Variants in NAT1 observed in about 807,000 individuals in gnomAD.
NAT1 encodes the protein N-acetyltransferase 1, also known as arylamine N-acetyltransferase 1.
For synonymous variants in NAT1, 144 were observed against 122.6 expected (o/e 1.17, Z -1.16); for missense variants, 400 against 339.2 (o/e 1.18, Z -1.41).
At chr8:18,193,097 G>C (rs1163451976) in intron 2 of NAT1, among the ~76,000 whole-genome samples, 2 of 103,408 alleles carry the variant, frequency 1.9e-5, no homozygotes, top group Non-Finnish European at 3.6e-5. Flanking sequence ...TTTTTTTTGA[G>C]ACAGGGTCTC....
At chr8:18,221,527 C>G (rs916211379) in intron 2 of NAT1, among the ~76,000 whole-genome samples, 2 of 152,082 alleles carry the variant, frequency 1.3e-5, no homozygotes, top group East Asian at 3.8e-4. Context: ...GTAGGAAACA[C>G]ATTATAGCTA....
intron 2 of NAT1, among the ~76,000 whole-genome samples, chr8:18,183,562 C>A (rs982868025): frequency 1.3e-5 from 2 of 152,148 alleles, no homozygotes; most frequent in Non-Finnish European, 2.9e-5. Context: ...ATAAATAGCC[C>A]TGAGGAGTCA....
intron 2 of NAT1, among the ~76,000 whole-genome samples, chr8:18,174,167 G>C (rs1328320357): frequency 6.6e-6 from 1 of 152,130 alleles, no homozygotes; most frequent in African/African-American, 2.4e-5. Flanking sequence ...CAATATCTGA[G>C]CAAGTGTATG....
chr8:18,203,129 A>C (rs1208711827), intron 2 of NAT1, among the ~76,000 whole-genome samples: 2 of 152,188 alleles, frequency 1.3e-5, no homozygotes, highest in East Asian at 3.9e-4. Flanking sequence ...TCCAGCTCTC[A>C]CTATAAGATC....
chr8:18,193,384 G>A (rs1803095228), intron 2 of NAT1, among the ~76,000 whole-genome samples: 1 of 149,774 alleles, frequency 6.7e-6, no homozygotes, highest in Non-Finnish European at 1.5e-5. Flanking sequence ...TTGAGCCTGG[G>A]AGGCAGGGGT....
upstream of NAT1, among the ~76,000 whole-genome samples, chr8:18,206,050 T>G (rs937779565): frequency 4.6e-5 from 7 of 152,230 alleles, no homozygotes; most frequent in Non-Finnish European, 8.8e-5. Flanking sequence ...CCAAACCCTC[T>G]GGGCTCCACA....
At chr8:18,177,008 C>G (rs1195588201) in intron 2 of NAT1, among the ~76,000 whole-genome samples, 1 of 151,826 alleles carries the variant, frequency 6.6e-6, no homozygotes, top group African/African-American at 2.4e-5. Flanking sequence ...AATTTCTTTT[C>G]CAGATAGTTT....
upstream of NAT1, among the ~76,000 whole-genome samples, chr8:18,207,896 A>C (rs902353176): frequency 6.6e-6 from 1 of 152,234 alleles, no homozygotes; most frequent in African/African-American, 2.4e-5. Flanking sequence ...CTAAACAAAG[A>C]AACTGTGGTA....
intron 2 of NAT1, among the ~76,000 whole-genome samples, chr8:18,191,001 G>C (rs1300987693): frequency 6.6e-6 from 1 of 151,548 alleles, no homozygotes; most frequent in Non-Finnish European, 1.5e-5. Context: ...AGGAGGCAGA[G>C]TCTGCAGTGA....
At chr8:18,179,832 G>C (rs1802440138) in intron 2 of NAT1, among the ~76,000 whole-genome samples, 1 of 152,160 alleles carries the variant, frequency 6.6e-6, no homozygotes, top group African/African-American at 2.4e-5. Context: ...CCTCATGAAA[G>C]ACACACAGAA....
chr8:18,176,446 T>C (rs1415474083), intron 2 of NAT1, among the ~76,000 whole-genome samples: 2 of 152,276 alleles, frequency 1.3e-5, no homozygotes, highest in African/African-American at 2.4e-5. Flanking sequence ...AAGAATGCCA[T>C]TTATTAAAAT....
intron 2 of NAT1, among the ~76,000 whole-genome samples, chr8:18,185,992 C>A (rs1052278344): frequency 6.6e-6 from 1 of 151,992 alleles, no homozygotes; most frequent in East Asian, 1.9e-4. Context: ...AGTTTAATTG[C>A]GTTGTAGTCA....
intron 2 of NAT1, among the ~76,000 whole-genome samples, chr8:18,172,389 G>C (rs1563157671): frequency 6.6e-6 from 1 of 152,170 alleles, no homozygotes; most frequent in African/African-American, 2.4e-5. Flanking sequence ...CGCCTGCTGG[G>C]AAAGTCACCA....
chr8:18,201,464 G>C (rs1803460898), intron 2 of NAT1, among the ~76,000 whole-genome samples: 1 of 151,976 alleles, frequency 6.6e-6, no homozygotes, highest in Admixed American at 6.6e-5. Flanking sequence ...CTCCTCCCTG[G>C]GTCCTGCATT....
intron 2 of NAT1, among the ~76,000 whole-genome samples, chr8:18,172,211 A>G (rs1802121346): frequency 6.7e-6 from 1 of 149,704 alleles, no homozygotes; most frequent in Non-Finnish European, 1.5e-5. Context: ...CTTAAGCCAA[A>G]CACTAGAAGA....
At chr8:18,181,653 T>C (rs1188833306) in intron 2 of NAT1, among the ~76,000 whole-genome samples, 1 of 152,206 alleles carries the variant, frequency 6.6e-6, no homozygotes, top group African/African-American at 2.4e-5. Flanking sequence ...CTTGTCTTGT[T>C]CCAGATCTTA....
chr8:18,191,601 G>C (rs925008519), intron 2 of NAT1, among the ~76,000 whole-genome samples: 1 of 151,906 alleles, frequency 6.6e-6, no homozygotes, highest in African/African-American at 2.4e-5. Flanking sequence ...ATACTACAAG[G>C]CTACAGTAAC....
At chr8:18,213,213 C>T (rs934054623) in intron 1 of NAT1, among the ~76,000 whole-genome samples, 1 of 151,868 alleles carries the variant, frequency 6.6e-6, no homozygotes, top group Non-Finnish European at 1.5e-5. Flanking sequence ...CACCAAGACC[C>T]GATAGGTCTA....
intron 2 of NAT1, among the ~76,000 whole-genome samples, chr8:18,177,387 ATCCTCTAAG>A (rs1288513406): frequency 2.0e-5 from 3 of 152,120 alleles, no homozygotes; most frequent in African/African-American, 7.2e-5. Flanking sequence ...AGTCAGACTT[ATCCTCTAAG>A]TCCTAAAATT....
Sources: gnomAD v4.1 joint callset for allele counts (sites outside exome capture counted in the v4.1 genomes callset) on GRCh38, gnomAD v4.1.1 for gene constraint, MANE v1.5 for transcripts, NCBI Gene and HGNC (gene_info 2026-07-23, HGNC 2026-07-21) for gene names.